The following IL1RAPL2 variants were observed in gnomAD, a reference collection of about 807,000 sequenced individuals.
IL1RAPL2 encodes the protein interleukin 1 receptor accessory protein like 2.
A neutral mutation model predicts 44.1 loss-of-function variants in IL1RAPL2; 3 were observed. The observed-to-expected ratio is 0.07, with a 90% CI of 0.03 to 0.18. IL1RAPL2 has a LOEUF of 0.18. IL1RAPL2 is among the 10% of genes least tolerant of loss of function. The probability of loss-of-function intolerance (pLI) is 1.00; values close to 1 mark genes in which losing one functional copy is unlikely to be tolerated. For missense variants in IL1RAPL2, 391 were observed against 496.4 expected (o/e 0.79, Z 2.02); for synonymous variants, 181 against 178.8 (o/e 1.01, Z -0.10).
At chrX:105,447,522 TATAAAC>T (rs1248162579) in intron 5 of IL1RAPL2, among the ~76,000 whole-genome samples, 4 of 73,278 alleles carry the variant, frequency 5.5e-5, no homozygotes, top group Non-Finnish European at 6.9e-5. Flanking sequence ...TAAATATAAA[TATAAAC>T]ATAAATATCA....
At chrX:104,955,494 A>G (rs1925689201) in intron 2 of IL1RAPL2, among the ~76,000 whole-genome samples, 1 of 106,535 alleles carries the variant, frequency 9.4e-6, no homozygotes, top group Non-Finnish European at 1.9e-5. Flanking sequence ...ATATATATAT[A>G]TTATACTCCC....
chrX:104,719,808 C>A (rs751662791), intron 2 of IL1RAPL2, among the ~76,000 whole-genome samples: 7 of 111,460 alleles, frequency 6.3e-5, no homozygotes, highest in Non-Finnish European at 7.6e-5. Flanking sequence ...ACCCAGAGAT[C>A]TTTGAATGTG....
chrX:104,629,643 A>G (rs1929593445), intron 1 of IL1RAPL2, among the ~76,000 whole-genome samples: 2 of 111,521 alleles, frequency 1.8e-5, no homozygotes, highest in African/African-American at 6.5e-5. Flanking sequence ...GTTTTATTCC[A>G]GTAGTTTTAT....
Position 105,477,298 on chromosome X carries a change from G to A in IL1RAPL2, c.698-7015G>A, listed in dbSNP as rs150926122. 5.7e-3 allele frequency among the ~76,000 whole-genome samples: 628 copies of A among 111,051 alleles called. 5 individuals are homozygous for A. The highest frequency in any genetic ancestry group is 0.019 in the African/African-American group (585 of 30,600). The stretch of plus-strand genomic sequence containing the variant: ...TTTCCTGGATAATCATCTAAATTAC[G>A]GGACTCTCAGCCTGGTAATTCTAGA... On this transcript the variant is annotated intron_variant, in intron 5 of 10. Transcript: ENST00000372582.
At chrX:104,884,407 G>C (rs1198369771) in intron 2 of IL1RAPL2, among the ~76,000 whole-genome samples, 1 of 111,996 alleles carries the variant, frequency 8.9e-6, no homozygotes, top group Non-Finnish European at 1.9e-5. Context: ...CTGATCAGCA[G>C]GGTCCAGGGA....
intron 2 of IL1RAPL2, among the ~76,000 whole-genome samples, chrX:104,844,100 T>A (rs370695419): frequency 5.4e-5 from 6 of 110,954 alleles, no homozygotes; most frequent in African/African-American, 2.0e-4. Context: ...TGTTGCTGTT[T>A]TTTTTTTAAT....
At chrX:105,489,819 C>CTTTT (rs1368966368) in intron 6 of IL1RAPL2, among the ~76,000 whole-genome samples, 8 of 94,354 alleles carry the variant, frequency 8.5e-5, no homozygotes, top group Admixed American at 2.3e-4. Context: ...CTCTCTCTCT[C>CTTTT]TCTTTCTTTT....
chrX:105,072,650 A>G (rs141426967), intron 2 of IL1RAPL2, among the ~76,000 whole-genome samples: 6,921 of 110,419 alleles, frequency 0.063, 605 homozygotes, highest in African/African-American at 0.22. Context: ...TTTTTAAATT[A>G]TTACTATACT....
At chrX:104,656,327 C>T (rs1207304928) in intron 1 of IL1RAPL2, among the ~76,000 whole-genome samples, 1 of 111,638 alleles carries the variant, frequency 9.0e-6, no homozygotes, top group East Asian at 2.8e-4. Flanking sequence ...TATAAATTTC[C>T]CTCTACACAC....
intron 6 of IL1RAPL2, among the ~76,000 whole-genome samples, chrX:105,507,419 G>A (rs768513482): frequency 9.0e-6 from 1 of 111,480 alleles, no homozygotes; most frequent in Non-Finnish European, 1.9e-5. Context: ...TGTATCATAA[G>A]ACTATTTTTC....
chrX:105,460,151 T>G (rs760171046), intron 5 of IL1RAPL2, among the ~76,000 whole-genome samples: 12 of 111,183 alleles, frequency 1.1e-4, no homozygotes, highest in Non-Finnish European at 2.3e-4. Flanking sequence ...CTTTTGTTTC[T>G]TCTTTCATAA....
intron 2 of IL1RAPL2, among the ~76,000 whole-genome samples, chrX:104,981,026 A>G (rs1450111222): frequency 1.0e-5 from 1 of 98,404 alleles, no homozygotes; most frequent in Non-Finnish European, 2.1e-5. Flanking sequence ...GAGATCTTTC[A>G]CCTTCCTGGT....
intron 2 of IL1RAPL2, among the ~76,000 whole-genome samples, chrX:104,677,472 G>T (rs1025961466): frequency 9.0e-6 from 1 of 111,031 alleles, no homozygotes; most frequent in Admixed American, 9.5e-5. Flanking sequence ...CTCCAGCTGC[G>T]TGCTGGGAGA....
intron 2 of IL1RAPL2, among the ~76,000 whole-genome samples, chrX:105,114,779 T>C (rs1041619866): frequency 8.9e-6 from 1 of 112,129 alleles, no homozygotes; most frequent in Admixed American, 9.4e-5. Context: ...AGCAGCTTTT[T>C]CCCCTCTTCA....
intron 3 of IL1RAPL2, among the ~76,000 whole-genome samples, chrX:105,221,424 AAAG>A (rs1426453455): frequency 1.8e-4 from 20 of 111,241 alleles, no homozygotes; most frequent in African/African-American, 6.5e-4. Flanking sequence ...AAAAAAAAAA[AAAG>A]AAAAACGAGT....
intron 2 of IL1RAPL2, among the ~76,000 whole-genome samples, chrX:105,091,993 CATT>C (rs2032548580): frequency 8.9e-6 from 1 of 112,262 alleles, no homozygotes; most frequent in Admixed American, 9.4e-5. Context: ...ATACACAAAA[CATT>C]ATTAATGATG....
intron 2 of IL1RAPL2, among the ~76,000 whole-genome samples, chrX:104,949,399 T>G (rs370921549): frequency 9.1e-6 from 1 of 110,372 alleles, no homozygotes; most frequent in Admixed American, 9.7e-5. Flanking sequence ...TTTGAAGGGT[T>G]TTTTGTGTCT....
At chrX:104,568,854 C>G (rs1444945701) in intron 1 of IL1RAPL2, among the ~76,000 whole-genome samples, 1 of 111,800 alleles carries the variant, frequency 8.9e-6, no homozygotes, top group African/African-American at 3.2e-5. Flanking sequence ...TGCTCTATGG[C>G]CAGTACAGTC....
chrX:104,961,475 G>A (rs1602855322), intron 2 of IL1RAPL2, among the ~76,000 whole-genome samples: 1 of 111,250 alleles, frequency 9.0e-6, no homozygotes, highest in African/African-American at 3.3e-5. Flanking sequence ...CTAAACGCTG[G>A]TACTGTTAGC....
Sources: allele counts gnomAD v4.1 joint callset (sites outside exome capture counted in the v4.1 genomes callset), GRCh38; gene constraint gnomAD v4.1.1; transcripts MANE v1.5; gene names NCBI Gene and HGNC (gene_info 2026-07-23, HGNC 2026-07-21).